The following RORA variants were observed in gnomAD, a reference collection of about 807,000 sequenced individuals.
The protein encoded by RORA is nuclear receptor ROR-alpha.
RORA carries 7 observed loss-of-function variants against 69.5 expected under a neutral mutation model. The observed-to-expected ratio is 0.10, with a 90% CI of 0.06 to 0.19. The LOEUF is 0.19. RORA is among the 10% of genes least tolerant of loss of function. RORA has a pLI of 1.00. For missense variants in RORA, 457 were observed against 663.0 expected (o/e 0.69, Z 3.41); for synonymous variants, 261 against 240.8 (o/e 1.08, Z -0.78).
intron 2 of RORA, among the ~76,000 whole-genome samples, chr15:60,540,435 A>C (rs1475200899): frequency 6.6e-6 from 1 of 152,006 alleles, no homozygotes; most frequent in African/African-American, 2.4e-5. Flanking sequence ...TACCCCCAAC[A>C]TTCTCACACC....
intron 1 of RORA, among the ~76,000 whole-genome samples, chr15:60,812,296 G>T (rs1401539005): frequency 6.6e-6 from 1 of 152,136 alleles, no homozygotes; most frequent in African/African-American, 2.4e-5. Context: ...TTAAGCCCAG[G>T]AGTTTGAGAC....
At chr15:61,081,902 AC>A (rs1324910232) in intron 1 of RORA, among the ~76,000 whole-genome samples, 1 of 152,160 alleles carries the variant, frequency 6.6e-6, no homozygotes, top group African/African-American at 2.4e-5. Flanking sequence ...AGGATTTACA[AC>A]CATTAATTAG....
At chr15:60,711,373 A>G (rs922541944) in intron 1 of RORA, among the ~76,000 whole-genome samples, 2 of 152,216 alleles carry the variant, frequency 1.3e-5, no homozygotes, top group African/African-American at 4.8e-5. Context: ...TAATCAATAC[A>G]TATTTATTAA....
At chr15:61,122,121 G>A (rs564058599) in intron 1 of RORA, among the ~76,000 whole-genome samples, 78 of 152,274 alleles carry the variant, frequency 5.1e-4, no homozygotes, top group Non-Finnish European at 9.1e-4. Context: ...CAGCATTTCC[G>A]GATGGCATCT....
intron 1 of RORA, among the ~76,000 whole-genome samples, chr15:60,860,222 G>A (rs1260016939): frequency 6.6e-6 from 1 of 152,152 alleles, no homozygotes; most frequent in Non-Finnish European, 1.5e-5. Context: ...CCAAATCTGT[G>A]TTCTCAAACC....
At chr15:60,734,077 C>A (rs1595669780) in intron 1 of RORA, among the ~76,000 whole-genome samples, 1 of 152,218 alleles carries the variant, frequency 6.6e-6, no homozygotes, top group Admixed American at 6.5e-5. Flanking sequence ...GACTCTTAAT[C>A]CTTCATCAGC....
intron 1 of RORA, among the ~76,000 whole-genome samples, chr15:61,181,680 CAAA>C (rs749054081): frequency 2.1e-4 from 12 of 57,722 alleles, no homozygotes; most frequent in Middle Eastern, 0.012. Context: ...TTAGCTTTGG[CAAA>C]AAAAAAAAAA....
intron 2 of RORA, among the ~76,000 whole-genome samples, chr15:60,582,942 T>C (rs558978314): frequency 6.6e-6 from 1 of 152,344 alleles, no homozygotes; most frequent in South Asian, 2.1e-4. Context: ...ATTATCTGCA[T>C]TTATCTAGTT....
At chr15:60,524,953 G>A (rs2066300368) in intron 3 of RORA, among the ~76,000 whole-genome samples, 1 of 152,132 alleles carries the variant, frequency 6.6e-6, no homozygotes, top group Non-Finnish European at 1.5e-5. Flanking sequence ...GAGGGCCCAG[G>A]ATTTGAATTC....
At chr15:60,612,373 C>G (rs1276336765) in intron 2 of RORA, among the ~76,000 whole-genome samples, 1 of 152,098 alleles carries the variant, frequency 6.6e-6, no homozygotes, top group Non-Finnish European at 1.5e-5. Context: ...AAAAATGAAC[C>G]TCCCCTCTTT....
chr15:60,759,571 G>A lies in RORA; in HGVS notation c.167-80885C>T, dbSNP rs144029573. Among the ~76,000 whole-genome samples the A allele has an allele frequency of 7.0e-3, 1,060 of 152,220 alleles. 9 individuals carry two copies. Among genetic ancestry groups the A allele is most frequent in the Middle Eastern group, 0.014 (4 of 294 alleles). On this transcript the variant is annotated intron_variant, in intron 1 of 10. Coordinates refer to ENST00000335670, the MANE Select transcript of RORA (RefSeq NM_134261.3). Reference sequence around the variant, plus strand: ...TTTCATTTTTAGGATCACATTTTGCGTGCAACCACAGCTCCAGACCTGAAA... The same window carrying A: ...TTTCATTTTTAGGATCACATTTTGCATGCAACCACAGCTCCAGACCTGAAA...
chr15:60,789,305 G>A (rs949337753), intron 1 of RORA, among the ~76,000 whole-genome samples: 6 of 152,172 alleles, frequency 3.9e-5, no homozygotes, highest in East Asian at 1.9e-4. Context: ...ATCCCAGCCC[G>A]AAGGAAAATG....
In RORA at chr15:60,488,494, T is replaced by G. The variant is rs917195291; in HGVS notation, c.*8961A>C. 6.6e-6 allele frequency: 1 copy of G among 152,086 alleles called. No homozygotes were observed. Among genetic ancestry groups the G allele is most frequent in the Non-Finnish European group, 1.5e-5 (1 of 68,012 alleles). 9.4% of individuals were successfully genotyped at this position (152,086 alleles called of 1,614,324 possible). A position where few individuals can be genotyped will look rare whatever the true frequency, so the allele number is the denominator to read the frequency against. ...TTTTGTACAGCTTGTATTTACAAAA[T>G]GAATCAAAATATTTTTTTTTTAAAT... On this transcript the variant is annotated 3_prime_UTR_variant, in exon 11 of 11. Coordinates refer to ENST00000335670, the MANE Select transcript of RORA (RefSeq NM_134261.3).
chr15:61,005,131 C>T (rs1894872280), intron 1 of RORA, among the ~76,000 whole-genome samples: 1 of 152,156 alleles, frequency 6.6e-6, no homozygotes, highest in Non-Finnish European at 1.5e-5. Flanking sequence ...GAGGGTTCAA[C>T]AATAGGATGA....
intron 2 of RORA, among the ~76,000 whole-genome samples, chr15:60,578,984 C>T (rs1163635799): frequency 6.6e-6 from 1 of 151,272 alleles, no homozygotes; most frequent in Non-Finnish European, 1.5e-5. Context: ...AAGATGGTCT[C>T]GATCTCCTGA....
At chr15:60,525,268 G>C (rs1488021133) in intron 3 of RORA, among the ~76,000 whole-genome samples, 4 of 151,976 alleles carry the variant, frequency 2.6e-5, no homozygotes, top group Admixed American at 1.3e-4. Context: ...CTTCCTACTG[G>C]AGTTTTAATA....
intron 1 of RORA, among the ~76,000 whole-genome samples, chr15:61,175,638 G>T (rs560885794): frequency 6.6e-6 from 1 of 151,926 alleles, no homozygotes; most frequent in Middle Eastern, 3.2e-3. Context: ...GATTGCTTGA[G>T]CCCGGGAGGT....
chr15:60,744,590 G>A (rs1478699306), intron 1 of RORA, among the ~76,000 whole-genome samples: 1 of 152,190 alleles, frequency 6.6e-6, no homozygotes, highest in African/African-American at 2.4e-5. Flanking sequence ...TGGGGGGCAA[G>A]AATGGTGCTA....
rs1491564825 is a variant in RORA, at chr15:61,215,031, A to AG, written c.166+14021_166+14022insC. ...AGGCGCCCGCCACCACGCCCAGCTA[A>AG]TTTTTTTTTTTTTTTTTTTTTTTTT... On this transcript the variant is annotated intron_variant, in intron 1 of 10. Transcript: ENST00000335670. Among the ~76,000 whole-genome samples, 515 of 80,208 alleles carry AG rather than the reference A, an allele frequency of 6.4e-3. 1 individual carries two copies. The highest frequency in any genetic ancestry group is 9.8e-3 in the Middle Eastern group (1 of 102). The allele number at this position is 80,208 out of a possible 152,430, so 52.6% of individuals were successfully genotyped here. A position where few individuals can be genotyped will look rare whatever the true frequency, so the allele number is the denominator to read the frequency against.
Sources: gnomAD v4.1 joint callset for allele counts (sites outside exome capture counted in the v4.1 genomes callset) on GRCh38, gnomAD v4.1.1 for gene constraint, MANE v1.5 for transcripts, NCBI Gene and HGNC (gene_info 2026-07-23, HGNC 2026-07-21) for gene names.